The following TSPAN9 variants were observed in gnomAD, a reference collection of about 807,000 sequenced individuals.
The protein encoded by TSPAN9 is tetraspanin 9, also known as tetraspanin-9.
A neutral mutation model predicts 31.0 loss-of-function variants in TSPAN9; 16 were observed. That is an observed-to-expected ratio of 0.52 (90% CI 0.35 to 0.78). The LOEUF (loss-of-function observed/expected upper bound fraction) is 0.78. Among genes scored for constraint, TSPAN9 ranks in the 30% least tolerant of loss-of-function variants. The pLI, the probability that TSPAN9 is intolerant of heterozygous loss-of-function variation, is 0.01. For missense variants in TSPAN9, 272 were observed against 312.5 expected (o/e 0.87, Z 0.98); for synonymous variants, 145 against 121.6 (o/e 1.19, Z -1.27).
rs371433095 is a variant in TSPAN9, at chr12:3,089,104, C to T, written c.-18+5385C>T. Among the ~76,000 whole-genome samples the T allele has an allele frequency of 8.3e-3, 1,250 of 151,108 alleles. 17 individuals are homozygous for T. The highest frequency in any genetic ancestry group is 0.029 in the African/African-American group (1,177 of 41,236). On this transcript the variant is annotated intron_variant, in intron 2 of 8. Transcript: ENST00000011898. Reference sequence around the variant, plus strand: ...AAAATTAGCCGGGCGTGGTGGCGGGCGCCTGTAGTCCCAGCCACTCGGGAG... The same window carrying T: ...AAAATTAGCCGGGCGTGGTGGCGGGTGCCTGTAGTCCCAGCCACTCGGGAG...
At chr12:3,162,690 A>G (rs2098346053) in intron 2 of TSPAN9, among the ~76,000 whole-genome samples, 1 of 152,122 alleles carries the variant, frequency 6.6e-6, no homozygotes, top group Admixed American at 6.5e-5. Flanking sequence ...CCAGAAGAAG[A>G]CCATTTTCTT....
At chr12:3,225,983 C>T (rs2098386970) in intron 3 of TSPAN9, among the ~76,000 whole-genome samples, 1 of 152,110 alleles carries the variant, frequency 6.6e-6, no homozygotes, top group South Asian at 2.1e-4. Context: ...TCTGAAGTCA[C>T]AGTAAACCAC....
chr12:3,116,123 G>A (rs2098322233), intron 2 of TSPAN9, among the ~76,000 whole-genome samples: 2 of 152,146 alleles, frequency 1.3e-5, no homozygotes, highest in African/African-American at 2.4e-5. Flanking sequence ...AGCATTCTGG[G>A]AAAACAACTT....
At chr12:3,117,548 G>C (rs2098323001) in intron 2 of TSPAN9, among the ~76,000 whole-genome samples, 1 of 152,020 alleles carries the variant, frequency 6.6e-6, no homozygotes, top group Admixed American at 6.6e-5. Flanking sequence ...TTGTAAAGAG[G>C]GGCAGCCTGG....
At chr12:3,272,447 T>C (rs965609877) in intron 3 of TSPAN9, among the ~76,000 whole-genome samples, 1 of 151,482 alleles carries the variant, frequency 6.6e-6, no homozygotes, top group Admixed American at 6.6e-5. Flanking sequence ...GGCCCTACAA[T>C]GGAAGAAAAA....
At chr12:3,078,795 T>C (rs76294663) in intron 1 of TSPAN9, among the ~76,000 whole-genome samples, 2 of 152,032 alleles carry the variant, frequency 1.3e-5, no homozygotes, top group Non-Finnish European at 2.9e-5. Context: ...TTTTTTTTTT[T>C]GGTCTGGTTT....
At chr12:3,252,643 A>C (rs1324536809) in intron 3 of TSPAN9, among the ~76,000 whole-genome samples, 1 of 152,146 alleles carries the variant, frequency 6.6e-6, no homozygotes, top group Non-Finnish European at 1.5e-5. Flanking sequence ...TTGGTTTGGG[A>C]AGCCTTCCCT....
In TSPAN9 at chr12:3,274,787, G is replaced by A. The variant is rs142924149; in HGVS notation, c.64-3634G>A. Among the ~76,000 whole-genome samples the A allele has an allele frequency of 1.6e-4, 25 of 152,332 alleles. 1 individual carries two copies. The East Asian group carries it at 4.6e-3, about 28-fold the overall frequency. ...GCAGGAGCCCCTTGAGGATGGGAGCGTGGCAGTGGGGATGTGCGTGGCACC... is the reference window on the plus strand; with the variant it reads ...GCAGGAGCCCCTTGAGGATGGGAGCATGGCAGTGGGGATGTGCGTGGCACC... On this transcript the variant is annotated intron_variant, in intron 3 of 8. Transcript: ENST00000011898.
intron 3 of TSPAN9, among the ~76,000 whole-genome samples, chr12:3,261,609 G>A (rs1232512961): frequency 6.6e-6 from 1 of 152,170 alleles, no homozygotes; most frequent in Admixed American, 6.5e-5. Context: ...GATGTGACTC[G>A]GGGCATGCAT....
rs540957255 is a variant in TSPAN9 at position 3,246,189 on chromosome 12, C to T, written c.64-32232C>T. Among the ~76,000 whole-genome samples the T allele has an allele frequency of 8.0e-5, 12 of 150,874 alleles. No individual in the cohort carries two copies. In the South Asian group the frequency reaches 1.5e-3, roughly 19 times the overall value. The stretch of plus-strand genomic sequence containing the variant: ...AGCAGGAGCGGGTGAGATTGCGGGG[C>T]GGGGGGTGGTGCCACACACTTTCAA... On this transcript the variant is annotated intron_variant, in intron 3 of 8. Transcript: ENST00000011898.
intron 3 of TSPAN9, among the ~76,000 whole-genome samples, chr12:3,229,726 G>T (rs1272530001): frequency 4.6e-5 from 7 of 152,208 alleles, no homozygotes; most frequent in Admixed American, 4.6e-4. Context: ...GAGGAAGAAG[G>T]CCTGCAGCGG....
At chr12:3,251,968 T>C (rs964966269) in intron 3 of TSPAN9, among the ~76,000 whole-genome samples, 1 of 152,054 alleles carries the variant, frequency 6.6e-6, no homozygotes, top group African/African-American at 2.4e-5. Context: ...AGACTTCTCA[T>C]GGTGGGGACC....
intron 2 of TSPAN9, among the ~76,000 whole-genome samples, chr12:3,199,637 G>C (rs1266329398): frequency 6.6e-6 from 1 of 152,228 alleles, no homozygotes; most frequent in East Asian, 1.9e-4. Context: ...AGCCTGCCTG[G>C]GGTTCCAGCC....
intron 3 of TSPAN9, among the ~76,000 whole-genome samples, chr12:3,234,775 T>C (rs552965626): frequency 2.6e-5 from 4 of 151,596 alleles, no homozygotes; most frequent in South Asian, 2.1e-4. Context: ...AGAAGAAAAA[T>C]ATCATCTCAG....
At chr12:3,244,254 T>C (rs975744560) in intron 3 of TSPAN9, among the ~76,000 whole-genome samples, 5 of 152,152 alleles carry the variant, frequency 3.3e-5, no homozygotes, top group Non-Finnish European at 5.9e-5. Flanking sequence ...TGGGCCCTGG[T>C]CCCAGTAGGT....
At chr12:3,234,559 C>A (rs1439679580) in intron 3 of TSPAN9, among the ~76,000 whole-genome samples, 1 of 152,182 alleles carries the variant, frequency 6.6e-6, no homozygotes, top group Non-Finnish European at 1.5e-5. Context: ...AAAGTAACAT[C>A]CCAAGAGCTG....
At chr12:3,122,936 G>C (rs893003365) in intron 2 of TSPAN9, among the ~76,000 whole-genome samples, 3 of 152,188 alleles carry the variant, frequency 2.0e-5, no homozygotes, top group Non-Finnish European at 4.4e-5. Context: ...CAGGCACTTG[G>C]AGGCAGGAAA....
chr12:3,092,973 G>T (rs977251208), intron 2 of TSPAN9, among the ~76,000 whole-genome samples: 7 of 152,240 alleles, frequency 4.6e-5, no homozygotes, highest in Non-Finnish European at 8.8e-5. Context: ...CTCTTGGCCT[G>T]GACACTGCAG....
rs989188884 is a variant in TSPAN9 at position 3,143,926 on chromosome 12, C to T, written c.-17-57251C>T. ...GAAACCAAGATCTAGGTGCTAGGTGCGTTCATTGCTACTGGGGTGTCATTG... is the reference window on the plus strand; with the variant it reads ...GAAACCAAGATCTAGGTGCTAGGTGTGTTCATTGCTACTGGGGTGTCATTG... On this transcript the variant is annotated intron_variant, in intron 2 of 8. Coordinates refer to ENST00000011898, the MANE Select transcript of TSPAN9 (RefSeq NM_006675.5). This position sits in a 1 kb window ranked among gnomAD's most constrained non-coding sequence, Gnocchi z 4.2. Among the ~76,000 whole-genome samples, 23 of 152,234 alleles carry T rather than the reference C, an allele frequency of 1.5e-4. No homozygotes were observed. Among genetic ancestry groups the T allele is most frequent in the South Asian group, 2.1e-4 (1 of 4,818 alleles).
Sources: allele counts gnomAD v4.1 joint callset (sites outside exome capture counted in the v4.1 genomes callset), GRCh38; gene constraint gnomAD v4.1.1; non-coding constraint Gnocchi (gnomAD v3.1); transcripts MANE v1.5; gene names NCBI Gene and HGNC (gene_info 2026-07-23, HGNC 2026-07-21).